NLK: variants seen among roughly 807,000 people sequenced by gnomAD.
NLK encodes the protein serine/threonine-protein kinase NLK.
In NLK, 11 loss-of-function variants were observed where a neutral mutation model predicts 59.0. The ratio of observed to expected loss-of-function variants is 0.19; its 90% CI spans 0.12 to 0.31. The LOEUF is 0.31. NLK is among the 10% of genes least tolerant of loss of function. The pLI, the probability that NLK is intolerant of heterozygous loss-of-function variation, is 1.00. For synonymous variants in NLK, 235 were observed against 235.9 expected (o/e 1.00, Z 0.03); for missense variants, 410 against 661.1 (o/e 0.62, Z 4.16).
chr17:28,167,516 A>G lies in NLK; in HGVS notation c.838-932A>G, dbSNP rs112616902. ...ATCCCTGGGATTACGGGCATGAGCCACTGTGCCTGGCCAACAGTTGGTCTC... is the reference window on the plus strand; with the variant it reads ...ATCCCTGGGATTACGGGCATGAGCCGCTGTGCCTGGCCAACAGTTGGTCTC... On this transcript the variant is annotated intron_variant, in intron 5 of 10. Transcript: ENST00000407008. Among the ~76,000 whole-genome samples the G allele has an allele frequency of 6.6e-3, 1,002 of 151,996 alleles. 18 individuals are homozygous for G. The highest frequency in any genetic ancestry group is 0.023 in the African/African-American group (936 of 41,424).
chr17:28,053,064 C>T (rs1909314755), intron 1 of NLK, among the ~76,000 whole-genome samples: 1 of 151,986 alleles, frequency 6.6e-6, no homozygotes, highest in Admixed American at 6.6e-5. Flanking sequence ...GCCTGAGCCA[C>T]CGCACCTGGC....
At chr17:28,080,006 A>C (rs1452796687) in intron 1 of NLK, among the ~76,000 whole-genome samples, 2 of 152,142 alleles carry the variant, frequency 1.3e-5, no homozygotes, top group East Asian at 3.8e-4. Flanking sequence ...ATATAAGCTA[A>C]GGATCCAACT....
At chr17:28,078,719 G>A (rs367868175) in intron 1 of NLK, among the ~76,000 whole-genome samples, 1 of 152,004 alleles carries the variant, frequency 6.6e-6, no homozygotes, top group East Asian at 1.9e-4. Context: ...AGTCAGTTTG[G>A]TTTATAGCAC....
At chr17:28,151,771 T>C (rs572337370) in intron 3 of NLK, among the ~76,000 whole-genome samples, 3 of 152,292 alleles carry the variant, frequency 2.0e-5, no homozygotes, top group Non-Finnish European at 4.4e-5. Context: ...AAACTCTCCT[T>C]TCTTAAACAT....
At chr17:28,104,330 C>T (rs1380704394) in intron 1 of NLK, among the ~76,000 whole-genome samples, 1 of 152,160 alleles carries the variant, frequency 6.6e-6, no homozygotes, top group Non-Finnish European at 1.5e-5. Flanking sequence ...TCTCGGCTCA[C>T]TGCAACATCC....
At chr17:28,184,533 G>T (rs1033621535) in intron 7 of NLK, among the ~76,000 whole-genome samples, 3 of 152,096 alleles carry the variant, frequency 2.0e-5, no homozygotes, top group Admixed American at 6.6e-5. Flanking sequence ...AAATAAATGT[G>T]TATGCCTTTT....
At chr17:28,056,947 C>CTTTTTTTTT (rs934652705) in intron 1 of NLK, among the ~76,000 whole-genome samples, 4 of 86,866 alleles carry the variant, frequency 4.6e-5, no homozygotes, top group Admixed American at 1.4e-4. Flanking sequence ...CATTACCTAC[C>CTTTTTTTTT]TTTTTTTTTT....
At chr17:28,164,993 C>CAAGAAAATAGGAAAAA in intron 5 of NLK, among the ~76,000 whole-genome samples, 1 of 152,024 alleles carries the variant, frequency 6.6e-6, no homozygotes, top group Non-Finnish European at 1.5e-5. Context: ...AGATGAAAAC[C>CAAGAAAATAGGAAAAA]TATTTTTCAT....
chr17:28,122,439 G>A (rs545220043), intron 1 of NLK, among the ~76,000 whole-genome samples, 164 bp from the exon 2 acceptor site: 36 of 151,822 alleles, frequency 2.4e-4, no homozygotes, highest in African/African-American at 8.2e-4. Flanking sequence ...TTATAGATAT[G>A]TACTCTTTTA....
At chr17:28,124,071 A>G (rs1348760168) in intron 2 of NLK, among the ~76,000 whole-genome samples, 1 of 152,236 alleles carries the variant, frequency 6.6e-6, no homozygotes, top group Non-Finnish European at 1.5e-5. Flanking sequence ...TGGGAGTACT[A>G]AACTTACCAT....
intron 7 of NLK, among the ~76,000 whole-genome samples, chr17:28,181,950 C>T (rs571067897): frequency 1.3e-5 from 2 of 152,126 alleles, no homozygotes; most frequent in South Asian, 2.1e-4. Context: ...GTGGAGGCTG[C>T]GGTGAGCTGA....
chr17:28,147,492 G>A lies in NLK; in HGVS notation c.645-13668G>A, dbSNP rs564717207. Among the ~76,000 whole-genome samples, 6 of 152,246 alleles carry A rather than the reference G, an allele frequency of 3.9e-5. No individual in the cohort carries two copies. The South Asian group carries it at 1.2e-3, about 32-fold the overall frequency. On this transcript the variant is annotated intron_variant, in intron 3 of 10. Transcript: ENST00000407008. The stretch of plus-strand genomic sequence containing the variant: ...CGTATAGGTGGGTTAAACAAATATT[G>A]ATCATGGTACAGATCTGCTTTAATT...
intron 3 of NLK, among the ~76,000 whole-genome samples, chr17:28,134,616 G>A (rs904158173): frequency 3.3e-5 from 5 of 152,128 alleles, no homozygotes; most frequent in African/African-American, 7.2e-5. Flanking sequence ...AATCCCCCTT[G>A]GATACTGAGG....
At chr17:28,140,044 G>A (rs1906921782) in intron 3 of NLK, among the ~76,000 whole-genome samples, 1 of 152,166 alleles carries the variant, frequency 6.6e-6, no homozygotes, top group South Asian at 2.1e-4. Flanking sequence ...GAAGGATTTG[G>A]ACAGGTAGCA....
intron 2 of NLK, among the ~76,000 whole-genome samples, chr17:28,131,805 G>A (rs1465108488): frequency 3.3e-5 from 5 of 152,046 alleles, no homozygotes; most frequent in Non-Finnish European, 7.4e-5. Context: ...GACTTGCGTC[G>A]TAAAGTCTTT....
intron 1 of NLK, among the ~76,000 whole-genome samples, chr17:28,046,813 T>TA (rs1471385084): frequency 6.6e-6 from 1 of 152,202 alleles, no homozygotes; most frequent in South Asian, 2.1e-4. Context: ...TAATGGCACA[T>TA]ATTGCCACCT....
chr17:28,115,872 T>C (rs1905744027), intron 1 of NLK, among the ~76,000 whole-genome samples: 1 of 151,772 alleles, frequency 6.6e-6, no homozygotes, highest in Non-Finnish European at 1.5e-5. Flanking sequence ...TTTATAAATT[T>C]CATTTTATTA....
At chr17:28,124,329 G>T (rs530558812) in intron 2 of NLK, among the ~76,000 whole-genome samples, 1 of 152,134 alleles carries the variant, frequency 6.6e-6, no homozygotes, top group Non-Finnish European at 1.5e-5. Context: ...TTCAAGACCA[G>T]CCTGGACAAC....
chr17:28,097,161 C>G (rs1461356512), intron 1 of NLK, among the ~76,000 whole-genome samples: 1 of 152,084 alleles, frequency 6.6e-6, no homozygotes, highest in African/African-American at 2.4e-5. Flanking sequence ...GTACAAGATG[C>G]ATATTATAAG....
Sources: gnomAD v4.1 joint callset for allele counts (sites outside exome capture counted in the v4.1 genomes callset) on GRCh38, gnomAD v4.1.1 for gene constraint, MANE v1.5 for transcripts, NCBI Gene and HGNC (gene_info 2026-07-23, HGNC 2026-07-21) for gene names.